CCDC171: variants seen among roughly 807,000 people sequenced by gnomAD.
CCDC171 encodes the protein coiled-coil domain-containing protein 171.
CCDC171 carries 177 observed loss-of-function variants against 168.2 expected under a neutral mutation model. That is an observed-to-expected ratio of 1.05 (90% CI 0.93 to 1.19). CCDC171 has a LOEUF of 1.19. Ranked by LOEUF, CCDC171 falls within the 50% of genes most tolerant of loss-of-function variation. The pLI, the probability that CCDC171 is intolerant of heterozygous loss-of-function variation, is 0.00. For synonymous variants in CCDC171, 687 were observed against 540.8 expected, an observed-to-expected ratio of 1.27 and a Z score of -3.75; for missense variants, 1,991 against 1,539.0, an observed-to-expected ratio of 1.29 and a Z score of -4.91.
At chr9:15,691,639 G>T (rs1446684451) in intron 10 of CCDC171, among the ~76,000 whole-genome samples, 1 of 147,780 alleles carries the variant, frequency 6.8e-6, no homozygotes, top group Admixed American at 6.8e-5. Context: ...CCATTAGCAA[G>T]AATATATTTT....
chr9:16,070,041 G>T, the CCDC171 span, among the ~76,000 whole-genome samples: 2 of 152,152 alleles, frequency 1.3e-5, no homozygotes, highest in African/African-American at 4.8e-5. Context: ...CTCTCTGAGG[G>T]TGTGTGCTCT....
intron 16 of CCDC171, among the ~76,000 whole-genome samples, chr9:15,743,250 C>A (rs1271692926): frequency 1.4e-5 from 2 of 138,214 alleles, no homozygotes; most frequent in African/African-American, 5.4e-5. Flanking sequence ...ACTGCAGCCT[C>A]AACCTCCTGG....
intron 3 of CCDC171, among the ~76,000 whole-genome samples, chr9:15,577,238 C>T (rs2040742420): frequency 6.6e-6 from 1 of 152,168 alleles, no homozygotes; most frequent in Non-Finnish European, 1.5e-5. Flanking sequence ...ACCATAAAAA[C>T]TCGTTTTTCT....
chr9:15,891,083 T>C (rs1321767065), intron 24 of CCDC171, among the ~76,000 whole-genome samples: 1 of 152,166 alleles, frequency 6.6e-6, no homozygotes, highest in African/African-American at 2.4e-5. Flanking sequence ...ATTCTTATAA[T>C]TCTAGCTAAA....
At chr9:16,083,997 G>C in the CCDC171 span, among the ~76,000 whole-genome samples, 1 of 152,154 alleles carries the variant, frequency 6.6e-6, no homozygotes, top group East Asian at 1.9e-4. Flanking sequence ...GTAGACTAAA[G>C]ACACTGAAAC....
At chr9:15,924,959 A>T (rs1346561807) in intron 25 of CCDC171, among the ~76,000 whole-genome samples, 1 of 151,450 alleles carries the variant, frequency 6.6e-6, no homozygotes, top group Non-Finnish European at 1.5e-5. Flanking sequence ...GCCTCTGCTT[A>T]CTTGTGCTCG....
intron 8 of CCDC171, among the ~76,000 whole-genome samples, chr9:15,661,008 C>T (rs1239070718): frequency 1.3e-5 from 2 of 151,962 alleles, no homozygotes; most frequent in African/African-American, 4.8e-5. Flanking sequence ...TTGCCGGGCG[C>T]GGGGGCTCAC....
At chr9:15,792,910 A>G (rs1407878636) in intron 21 of CCDC171, among the ~76,000 whole-genome samples, 3 of 152,194 alleles carry the variant, frequency 2.0e-5, no homozygotes, top group Non-Finnish European at 4.4e-5. Context: ...AAGAAACTGC[A>G]TCAACTAATG....
At chr9:15,966,175 G>A (rs1020597060) in intron 25 of CCDC171, among the ~76,000 whole-genome samples, 2 of 152,200 alleles carry the variant, frequency 1.3e-5, no homozygotes, top group African/African-American at 4.8e-5. Flanking sequence ...ATGTAAAAAT[G>A]AGATTGGATG....
At chr9:15,691,327 T>A (rs1321105975) in intron 10 of CCDC171, among the ~76,000 whole-genome samples, 2 of 151,674 alleles carry the variant, frequency 1.3e-5, no homozygotes, top group African/African-American at 4.8e-5. Context: ...GAAAGTAATA[T>A]AATAGTATGT....
intron 24 of CCDC171, among the ~76,000 whole-genome samples, chr9:15,887,578 G>C (rs1474392816): frequency 6.6e-6 from 1 of 152,084 alleles, no homozygotes; most frequent in Non-Finnish European, 1.5e-5. Context: ...GTAGTTTGGA[G>C]GTCCTGTTGA....
intron 24 of CCDC171, chr9:15,888,229 G>T (rs1398823693): frequency 6.6e-6 from 1 of 152,116 alleles, no homozygotes; most frequent in African/African-American, 2.4e-5. Context: ...AACTTGATGT[G>T]ATTTTCACAT....
At chr9:15,870,664 T>G (rs1364154920) in intron 23 of CCDC171, among the ~76,000 whole-genome samples, 1 of 149,028 alleles carries the variant, frequency 6.7e-6, no homozygotes, top group African/African-American at 2.5e-5. Context: ...TGAGTGTGTG[T>G]TTTTTTTTTA....
At chr9:15,631,591 A>G (rs1014021187) in intron 7 of CCDC171, among the ~76,000 whole-genome samples, 1 of 152,218 alleles carries the variant, frequency 6.6e-6, no homozygotes, top group African/African-American at 2.4e-5. Context: ...TATCAGAGGT[A>G]CAAGGAGGAA....
At chr9:15,615,975 G>C (rs1034983450) in intron 6 of CCDC171, among the ~76,000 whole-genome samples, 1 of 152,036 alleles carries the variant, frequency 6.6e-6, no homozygotes, top group African/African-American at 2.4e-5. Context: ...TTTTGAGATG[G>C]AGTCTCGCTC....
chr9:15,915,233 C>T (rs2149230), intron 24 of CCDC171, among the ~76,000 whole-genome samples: 113,701 of 152,106 alleles, frequency 0.75, 44,096 homozygotes, highest in East Asian at 0.86. Flanking sequence ...GTCATTTTAA[C>T]GATATTAATC....
intron 2 of CCDC171, among the ~76,000 whole-genome samples, chr9:15,570,871 G>T (rs1483765870): frequency 6.6e-6 from 1 of 152,164 alleles, no homozygotes; most frequent in African/African-American, 2.4e-5. Context: ...TCCAGAGACC[G>T]TCTGTTTTAT....
At chr9:15,970,091 T>A (rs963726063) in intron 25 of CCDC171, among the ~76,000 whole-genome samples, 6 of 152,192 alleles carry the variant, frequency 3.9e-5, no homozygotes, top group African/African-American at 1.4e-4. Context: ...TAAAAAGAGA[T>A]GATTTCCGTC....
intron 14 of CCDC171, 131 bp downstream of exon 14, chr9:15,725,107 A>C (rs948674254): frequency 4.5e-6 from 3 of 660,284 alleles, no homozygotes; most frequent in Admixed American, 5.7e-5. Context: ...AATGTTTGTG[A>C]CAGCTACAAA....
Sources: allele counts gnomAD v4.1 joint callset (sites outside exome capture counted in the v4.1 genomes callset), GRCh38; gene constraint gnomAD v4.1.1; transcripts MANE v1.5; gene names NCBI Gene and HGNC (gene_info 2026-07-23, HGNC 2026-07-21).